Variants in GPC3 observed in about 807,000 individuals in gnomAD.
The protein encoded by GPC3 is glypican 3.
A neutral mutation model predicts 34.4 loss-of-function variants in GPC3; 3 were observed. The observed-to-expected ratio is 0.09, with a 90% confidence interval of 0.04 to 0.23. The LOEUF (loss-of-function observed/expected upper bound fraction) is 0.23, where lower values mean the gene tolerates loss of function less well. Among genes scored for constraint, GPC3 ranks in the 10% least tolerant of loss-of-function variants. The pLI is 1.00. For synonymous variants in GPC3, 177 were observed against 174.0 expected (o/e 1.02, Z -0.13); for missense variants, 351 against 445.6 (o/e 0.79, Z 1.91).
At chrX:133,735,224 T>C (rs891723239) in intron 3 of GPC3, among the ~76,000 whole-genome samples, 2 of 111,552 alleles carry the variant, frequency 1.8e-5, no homozygotes, top group African/African-American at 6.5e-5. Context: ...TGCTACAAAG[T>C]ATTCAAAGCA....
intron 5 of GPC3, among the ~76,000 whole-genome samples, chrX:133,674,053 C>T (rs1241084184): frequency 9.1e-6 from 1 of 110,288 alleles, no homozygotes; most frequent in African/African-American, 3.3e-5. Flanking sequence ...AGGGAGACCT[C>T]ATCTCTACAA....
chrX:133,985,165 T>A lies in GPC3; in HGVS notation c.175+110A>T, dbSNP rs771077120. On this transcript the variant is annotated intron_variant, in intron 1 of 7. Transcript: ENST00000370818. ...CACCGACCACTCCCAAGTGCCCAGC[T>A]GCAGGGCGCACGACTACAGCCCGGC... The A allele has an allele frequency of 1.1e-3, 930 of 862,771 alleles. 7 individuals carry two copies. The African/African-American group carries it at 0.015, about 14-fold the overall frequency. The allele number at this position is 862,771 out of a possible 1,213,427, so 71.1% of individuals were successfully genotyped here.
At chrX:133,908,391 C>A (rs2124604755) in intron 2 of GPC3, among the ~76,000 whole-genome samples, 1 of 111,160 alleles carries the variant, frequency 9.0e-6, no homozygotes, top group Non-Finnish European at 1.9e-5. Context: ...CCTGCCCTAA[C>A]AAAGTCCTCA....
intron 7 of GPC3, among the ~76,000 whole-genome samples, chrX:133,564,563 C>T (rs750785021): frequency 4.7e-4 from 52 of 111,634 alleles, no homozygotes; most frequent in African/African-American, 1.7e-3. Context: ...GGTAAAAGTT[C>T]TAGACTTGGA....
chrX:133,754,001 A>C lies in GPC3; in HGVS notation c.513T>G (p.Phe171Leu), dbSNP rs1448187765. 1 of 1,209,400 alleles carries C rather than the reference A, an allele frequency of 8.3e-7. No individual in the cohort carries two copies. Among genetic ancestry groups the C allele is most frequent in the Non-Finnish European group, 1.1e-6 (1 of 894,802 alleles). Residue 171 changes from phenylalanine to leucine, a missense_variant, in exon 3 of 8, where the codon TTT becomes TTG. Phe to Leu is a conservative substitution (Grantham distance 22). Transcript: ENST00000370818. ...INVDDMVNELFDSLFPVIYTQ... is the reference protein window; with the variant it reads ...INVDDMVNELLDSLFPVIYTQ... ...TATAGATGACTGGAAACAGGCTGTC[A>C]AACAATTCATTGACCATGTCATCTA... is the stretch of plus-strand genomic sequence containing the variant.
intron 3 of GPC3, among the ~76,000 whole-genome samples, chrX:133,738,258 C>T (rs1248759377): frequency 8.9e-6 from 1 of 112,302 alleles, no homozygotes; most frequent in Admixed American, 9.4e-5. Flanking sequence ...GCCATTGCAC[C>T]AGGCCTGTGA....
chrX:133,628,892 C>G (rs866056415), intron 6 of GPC3, among the ~76,000 whole-genome samples: 4 of 111,295 alleles, frequency 3.6e-5, no homozygotes, highest in Non-Finnish European at 3.8e-5. Context: ...TAAAAATTCT[C>G]TTCAGAATCT....
chrX:133,791,611 T>C (rs184293063), intron 2 of GPC3, among the ~76,000 whole-genome samples: 2 of 110,843 alleles, frequency 1.8e-5, no homozygotes, highest in African/African-American at 6.6e-5. Context: ...ACTTCTACTA[T>C]CAAAGAGCTA....
intron 7 of GPC3, among the ~76,000 whole-genome samples, chrX:133,570,913 A>C (rs1414141713): frequency 9.0e-6 from 1 of 111,539 alleles, no homozygotes; most frequent in Non-Finnish European, 1.9e-5. Context: ...ATCTCACAGG[A>C]GAAATGGTTC....
chrX:133,577,399 T>C (rs1441661490), intron 7 of GPC3, among the ~76,000 whole-genome samples: 1 of 112,301 alleles, frequency 8.9e-6, no homozygotes, highest in Non-Finnish European at 1.9e-5. Context: ...TAGATGTATA[T>C]AGTCTAATTA....
chrX:133,623,132 G>A (rs1381196525), intron 6 of GPC3, among the ~76,000 whole-genome samples: 3 of 111,729 alleles, frequency 2.7e-5, no homozygotes, highest in African/African-American at 6.5e-5. Context: ...TCACCACCAG[G>A]CCTGCCTTAC....
intron 2 of GPC3, among the ~76,000 whole-genome samples, chrX:133,780,203 T>C (rs2072032167): frequency 9.0e-6 from 1 of 111,366 alleles, no homozygotes; most frequent in South Asian, 3.8e-4. Flanking sequence ...ATTTGGAAGC[T>C]AGAAAAAATG....
chrX:133,540,478 C>T (rs1310974937), intron 7 of GPC3, among the ~76,000 whole-genome samples: 4 of 111,827 alleles, frequency 3.6e-5, no homozygotes, highest in Non-Finnish European at 7.5e-5. Flanking sequence ...CGTATGTTTT[C>T]ACTTATAAGT....
At chrX:133,862,996 C>T (rs1204054768) in intron 2 of GPC3, among the ~76,000 whole-genome samples, 3 of 112,991 alleles carry the variant, frequency 2.7e-5, no homozygotes, top group Non-Finnish European at 5.6e-5. Context: ...CTTAGCAGCA[C>T]TGGGAAGGCC....
intron 2 of GPC3, among the ~76,000 whole-genome samples, chrX:133,806,608 T>A (rs57639987): frequency 0.014 from 1,547 of 110,737 alleles, 28 homozygotes; most frequent in African/African-American, 0.045. Flanking sequence ...TATTTTAATT[T>A]ATTTATTTAT....
At chrX:133,956,191 AAATACCATTTGGGGTCTGCAGACATAG>A (rs1324994438) in intron 1 of GPC3, among the ~76,000 whole-genome samples, 4 of 112,283 alleles carry the variant, frequency 3.6e-5, no homozygotes, top group Admixed American at 9.4e-5. Context: ...TTTAATGTCA[AAATACCATTTGGGGTCTGCAGACATAG>A]AGTTCAGATT....
At chrX:133,694,144 A>G (rs1028636839) in intron 4 of GPC3, among the ~76,000 whole-genome samples, 1 of 110,842 alleles carries the variant, frequency 9.0e-6, no homozygotes, top group African/African-American at 3.3e-5. Flanking sequence ...GCAACATAAA[A>G]CAAACTAGGA....
intron 2 of GPC3, among the ~76,000 whole-genome samples, chrX:133,779,060 A>G (rs1384691152): frequency 1.8e-5 from 2 of 112,017 alleles, no homozygotes; most frequent in Non-Finnish European, 3.8e-5. Flanking sequence ...AACAATTACT[A>G]AGGAGGCTAA....
intron 3 of GPC3, among the ~76,000 whole-genome samples, chrX:133,741,413 T>C (rs1363370078): frequency 9.0e-6 from 1 of 110,969 alleles, no homozygotes; most frequent in Non-Finnish European, 1.9e-5. Context: ...GAAAACAGGA[T>C]GAATAGTAAC....
Sources: allele counts gnomAD v4.1 joint callset (sites outside exome capture counted in the v4.1 genomes callset), GRCh38; gene constraint gnomAD v4.1.1; transcripts MANE v1.5; gene names NCBI Gene and HGNC (gene_info 2026-07-23, HGNC 2026-07-21).